Variants in ETS1 observed in about 807,000 individuals in gnomAD.
ETS1 encodes the protein protein C-ets-1.
ETS1 carries 15 observed loss-of-function variants against 58.6 expected under a neutral mutation model. The observed-to-expected ratio is 0.26, with a 90% CI of 0.17 to 0.39. The LOEUF is 0.39. Among genes scored for constraint, ETS1 ranks in the 10% least tolerant of loss-of-function variants. The pLI is 1.00. For missense variants in ETS1, 417 were observed against 610.5 expected (o/e 0.68, Z 3.34); for synonymous variants, 214 against 218.2 (o/e 0.98, Z 0.17).
At chr11:128,545,854 A>G (rs1291311252) in intron 3 of ETS1, among the ~76,000 whole-genome samples, 1 of 152,230 alleles carries the variant, frequency 6.6e-6, no homozygotes, top group African/African-American at 2.4e-5. Flanking sequence ...GGTTGGTTTT[A>G]TTGTTCAGAA....
chr11:128,555,069 G>A (rs954059192), intron 3 of ETS1, among the ~76,000 whole-genome samples: 4 of 152,134 alleles, frequency 2.6e-5, no homozygotes, highest in Non-Finnish European at 5.9e-5. Flanking sequence ...ATCCAGGACA[G>A]TGCCAAAGAA....
Position 128,461,359 on chromosome 11 carries a change from T to G in ETS1, c.*1002A>C, listed in dbSNP as rs1861900577. ...TCAATCTTCCTCCTTCGATCTCCCT[T>G]CCAGGACTTCAACAGTGCTCCTACG... On this transcript the variant is annotated 3_prime_UTR_variant, in exon 10 of 10. Transcript: ENST00000392668. 6.5e-6 allele frequency: 1 copy of G among 152,762 alleles called. No homozygotes were observed. Among genetic ancestry groups the G allele is most frequent in the Admixed American group, 6.5e-5 (1 of 15,280 alleles). 9.5% of individuals were successfully genotyped at this position (152,762 alleles called of 1,614,324 possible). A position where few individuals can be genotyped will look rare whatever the true frequency, so the allele number is the denominator to read the frequency against.
chr11:128,573,662 G>C (rs12366158), intron 1 of ETS1, among the ~76,000 whole-genome samples: 2 of 152,088 alleles, frequency 1.3e-5, no homozygotes, highest in Non-Finnish European at 2.9e-5. Context: ...CCCTGCAAAA[G>C]GGATTGAGCA....
rs1199241911 is a variant in ETS1, at chr11:128,459,457, A to AGG, written c.*2902_*2903dup. The AGG allele has an allele frequency of 6.5e-6, 1 of 152,806 alleles. No individual in the cohort carries two copies. Among genetic ancestry groups the AGG allele is most frequent in the Non-Finnish European group, 1.5e-5 (1 of 68,054 alleles). The allele number at this position is 152,806 out of a possible 1,614,324, so 9.5% of individuals were successfully genotyped here. A position where few individuals can be genotyped will look rare whatever the true frequency, so the allele number is the denominator to read the frequency against. On this transcript the variant is annotated 3_prime_UTR_variant, in exon 10 of 10. Coordinates refer to ENST00000392668, the MANE Select transcript of ETS1 (RefSeq NM_001143820.2). ...TCCAATCCCCACAGCCACAAAAATC[A>AGG]GGGCTCTATGTAGGGGAAGTCCCTC... is the stretch of plus-strand genomic sequence containing the variant.
At chr11:128,584,969 A>C (rs973183344) in intron 1 of ETS1, among the ~76,000 whole-genome samples, 1 of 27,742 alleles carries the variant, frequency 3.6e-5, no homozygotes, top group East Asian at 1.1e-3. Context: ...AAAGAAAGAA[A>C]GAAAGAAAGA....
chr11:128,522,590 G>A (rs1591640589), intron 3 of ETS1: 1 of 157,234 alleles, frequency 6.4e-6, no homozygotes, highest in South Asian at 2.0e-4. Flanking sequence ...CCGGGCCTCG[G>A]AGCCCAGGCA....
At chr11:128,573,243 T>G in intron 1 of ETS1, 99 bp from the exon 2 acceptor site, 1 of 823,586 alleles carries the variant, frequency 1.2e-6, no homozygotes. Flanking sequence ...AAAGTCTCCT[T>G]AGGAGCCAAC....
intron 3 of ETS1, among the ~76,000 whole-genome samples, chr11:128,501,802 T>A (rs908175846): frequency 6.6e-6 from 1 of 152,176 alleles, no homozygotes; most frequent in African/African-American, 2.4e-5. Flanking sequence ...CACAAATATA[T>A]CATGGAAAGA....
At chr11:128,537,967 A>C (rs781465088) in intron 3 of ETS1, among the ~76,000 whole-genome samples, 18 of 152,186 alleles carry the variant, frequency 1.2e-4, no homozygotes, top group Non-Finnish European at 2.1e-4. Context: ...TCAATATAAG[A>C]GGTATTTCCA....
chr11:128,585,401 G>C (rs1191778852), intron 1 of ETS1, among the ~76,000 whole-genome samples: 2 of 152,190 alleles, frequency 1.3e-5, no homozygotes, highest in African/African-American at 4.8e-5. Context: ...CCCTTCTGCT[G>C]TTTGATGTGA....
At chr11:128,509,957 G>A (rs1226347058) in intron 3 of ETS1, among the ~76,000 whole-genome samples, 1 of 152,178 alleles carries the variant, frequency 6.6e-6, no homozygotes, top group East Asian at 1.9e-4. Context: ...CTGACACATA[G>A]TAGGTACTCT....
chr11:128,568,145 G>T (rs1864543221), intron 2 of ETS1, among the ~76,000 whole-genome samples: 1 of 152,190 alleles, frequency 6.6e-6, no homozygotes, highest in African/African-American at 2.4e-5. Flanking sequence ...GGGAGGAGGT[G>T]AGTGGGCAGT....
Position 128,486,144 on chromosome 11 carries a change from C to T in ETS1, c.538G>A (p.Asp180Asn), listed in dbSNP as rs1308462390. 6.3e-7 allele frequency: 1 copy of T among 1,598,764 alleles called. No homozygotes were observed. The highest frequency in any genetic ancestry group is 8.6e-7 in the Non-Finnish European group (1 of 1,166,326). ...CCATTAACTTGATATGGTTTCACAT[C>T]CTCTGTAATGAACAGATAGGGAAGG... Reference protein sequence around the residue: ...WEHLEILQKEDVKPYQVNGVN... With the variant: ...WEHLEILQKENVKPYQVNGVN... Residue 180 changes from aspartate (D) to asparagine (N), a missense_variant and splice_region_variant, in exon 6 of 10, where the codon GAT becomes AAT. Physicochemically the swap from Asp to Asn is conservative, Grantham distance 23 (BLOSUM62 1). Around this residue, in one of 4 missense-constraint regions of ETS1, gnomAD observed 132 missense variants for 212.1 expected, o/e 0.62. Coordinates refer to ENST00000392668, the MANE Select transcript of ETS1 (RefSeq NM_001143820.2).
At chr11:128,522,301 T>G in intron 3 of ETS1, 1 of 1,081,226 alleles carries the variant, frequency 9.2e-7, no homozygotes, top group East Asian at 6.4e-5. Context: ...CCTCGTTCGC[T>G]CTCGATCTCC....
chr11:128,578,884 A>G (rs1050423361), intron 1 of ETS1, among the ~76,000 whole-genome samples: 4 of 152,230 alleles, frequency 2.6e-5, no homozygotes, highest in African/African-American at 7.2e-5. Flanking sequence ...TTATTATCGT[A>G]TAATTAATTT....
rs1415698168 is a variant in ETS1, at chr11:128,549,167, T to C, written c.214+7124A>G. 1.3e-5 allele frequency among the ~76,000 whole-genome samples: 2 copies of C among 152,110 alleles called. No individual in the cohort carries two copies. Among genetic ancestry groups the C allele is most frequent in the African/African-American group, 2.4e-5 (1 of 41,418 alleles). ...TCGGCAGCTATAAACACAGTGAACA[T>C]CTGGAGAGAGAGCCCGTGTCTCTAG... On this transcript the variant is annotated intron_variant, in intron 3 of 9. Transcript: ENST00000392668. The surrounding 1 kb of genome is among the most constrained non-coding windows in gnomAD (Gnocchi z 4.3).
chr11:128,557,185 T>A (rs958115341), intron 2 of ETS1, among the ~76,000 whole-genome samples: 1 of 152,144 alleles, frequency 6.6e-6, no homozygotes, highest in Admixed American at 6.5e-5. Context: ...TGTTCCTTAA[T>A]CCAAACCTTA....
At chr11:128,518,033 G>A (rs1398755067) in intron 3 of ETS1, among the ~76,000 whole-genome samples, 1 of 152,170 alleles carries the variant, frequency 6.6e-6, no homozygotes, top group Non-Finnish European at 1.5e-5. Context: ...CATCAACCCT[G>A]CAAATGTTCC....
chr11:128,538,660 G>A (rs986852709), intron 3 of ETS1, among the ~76,000 whole-genome samples: 28 of 152,114 alleles, frequency 1.8e-4, no homozygotes, highest in African/African-American at 5.8e-4. Flanking sequence ...ACAGGGTAAT[G>A]TATGTAAAAT....
Sources: gnomAD v4.1 joint callset for allele counts (sites outside exome capture counted in the v4.1 genomes callset) on GRCh38, gnomAD v4.1.1 for gene constraint, gnomAD v4.1.1 regional missense constraint, Gnocchi (gnomAD v3.1) non-coding constraint, MANE v1.5 for transcripts, NCBI Gene and HGNC (gene_info 2026-07-23, HGNC 2026-07-21) for gene names.